The following MED6 variants were observed in gnomAD, a reference collection of about 807,000 sequenced individuals.
The protein encoded by MED6 is mediator complex subunit 6.
MED6 carries 33 observed loss-of-function variants against 37.5 expected under a neutral mutation model. The observed-to-expected ratio is 0.88, with a 90% CI of 0.67 to 1.18. The LOEUF (loss-of-function observed/expected upper bound fraction) is 1.18, where lower values mean the gene tolerates loss of function less well. MED6 is among the 50% of genes most tolerant of loss of function. MED6 has a pLI of 0.00. For synonymous variants in MED6, 94 were observed against 93.6 expected, an observed-to-expected ratio of 1.00 and a Z score of -0.02; for missense variants, 235 against 290.6, an observed-to-expected ratio of 0.81 and a Z score of 1.39.
chr14:70,599,323 T>C (rs1885136804), intron 1 of MED6, among the ~76,000 whole-genome samples: 1 of 152,168 alleles, frequency 6.6e-6, no homozygotes, highest in Non-Finnish European at 1.5e-5. Flanking sequence ...TATAGACCAT[T>C]TAGATAGTTC....
rs1196765147 is a variant in MED6, at chr14:70,584,192, C to A, written c.*621G>T. The A allele has an allele frequency of 1.3e-6, 1 of 751,548 alleles. No homozygotes were observed. The highest frequency in any genetic ancestry group is 1.4e-5 in the South Asian group (1 of 72,514). The allele number at this position is 751,548 out of a possible 1,614,324, so 46.6% of individuals were successfully genotyped here. A position where few individuals can be genotyped will look rare whatever the true frequency, so the allele number is the denominator to read the frequency against. ...CATCCTTTATGTCTTCAAAGTGCAT[C>A]TGAAAAATATCAGTTATGATGAAGA... On this transcript the variant is annotated 3_prime_UTR_variant, in exon 8 of 8. Coordinates refer to ENST00000256379, the MANE Select transcript of MED6 (RefSeq NM_005466.4).
Position 70,584,779 on chromosome 14 carries a change from G to A in MED6, c.*34C>T. On this transcript the variant is annotated 3_prime_UTR_variant, in exon 8 of 8. Coordinates refer to ENST00000256379, the MANE Select transcript of MED6 (RefSeq NM_005466.4). ...AGTACTGAGGTATGATAACTAGCAT[G>A]AGGAGTCTTCCAGGCTTCTCTTTTG... The A allele has an allele frequency of 6.2e-7, 1 of 1,604,022 alleles. No individual in the cohort carries two copies. The highest frequency in any genetic ancestry group is 1.1e-5 in the South Asian group (1 of 88,994).
At chr14:70,596,589 G>A (rs866946078) in intron 3 of MED6, 22 bp downstream of exon 3, 3 of 1,551,926 alleles carry the variant, frequency 1.9e-6, no homozygotes, top group Middle Eastern at 1.7e-4. Flanking sequence ...AGAAAACAAT[G>A]CCTAAAGTTT....
chr14:70,596,555 T>G, intron 3 of MED6, 56 bp downstream of exon 3: 1 of 1,379,794 alleles, frequency 7.2e-7, no homozygotes, highest in Non-Finnish European at 1.0e-6. Context: ...GGTCAGGAAG[T>G]AAATAAATTA....
Position 70,598,787 on chromosome 14 carries a change from T to G in MED6, c.23-1010A>C, listed in dbSNP as rs1029139566. ...TGGCAAGGAATTCAAAATTTTCAAA[T>G]AACATGTATGCCCAAGAGAACACAT... On this transcript the variant is annotated intron_variant, in intron 1 of 7. Coordinates refer to ENST00000256379, the MANE Select transcript of MED6 (RefSeq NM_005466.4). Among the ~76,000 whole-genome samples the G allele has an allele frequency of 2.0e-5, 3 of 152,280 alleles. No individual in the cohort carries two copies. In the South Asian group the frequency reaches 6.2e-4, roughly 32 times the overall value.
intron 3 of MED6, chr14:70,595,360 T>C (rs1224152135): frequency 4.8e-5 from 27 of 561,760 alleles, no homozygotes; most frequent in South Asian, 3.1e-4. Flanking sequence ...TCTCAGCAGA[T>C]TGAGGAGAAC....
chr14:70,591,264 ACC>A lies in MED6; in HGVS notation c.582_582+1del. On this transcript the variant is annotated splice_donor_variant and coding_sequence_variant, in exon 6 of 8. Transcript: ENST00000256379. LOFTEE classifies it high-confidence loss of function. ...AAGATTAACCACACATATTCTCATTACCTGCACAAATTTGGGTGGAAATTTTT... is the reference window on the plus strand; with the variant it reads ...AAGATTAACCACACATATTCTCATTATGCACAAATTTGGGTGGAAATTTTT... The A allele has an allele frequency of 6.2e-7, 1 of 1,605,170 alleles. No homozygotes were observed. The highest frequency in any genetic ancestry group is 8.5e-7 in the Non-Finnish European group (1 of 1,173,102).
Position 70,596,074 on chromosome 14 carries a change from T to C in MED6, c.274+537A>G, listed in dbSNP as rs1049446349. On this transcript the variant is annotated intron_variant, in intron 3 of 7. Transcript: ENST00000256379. ...TAGTGGAACTTGGCTTTTGAAACATTTCCTATATGATAGTTAGGCTGGTTG... is the reference window on the plus strand; with the variant it reads ...TAGTGGAACTTGGCTTTTGAAACATCTCCTATATGATAGTTAGGCTGGTTG... 2.1e-4 allele frequency: 50 copies of C among 234,298 alleles called. 2 individuals carry two copies. The highest frequency in any genetic ancestry group is 6.5e-4 in the Admixed American group (13 of 19,864). The allele number at this position is 234,298 out of a possible 1,614,324, so 14.5% of individuals were successfully genotyped here.
At chr14:70,597,079 A>G (rs1189411730) in intron 2 of MED6, among the ~76,000 whole-genome samples, 2 of 152,238 alleles carry the variant, frequency 1.3e-5, no homozygotes, top group African/African-American at 4.8e-5. Flanking sequence ...ACACAACTAT[A>G]TATATTACCA....
At chr14:70,596,544 A>T in intron 3 of MED6, 67 bp downstream of exon 3, 1 of 1,262,236 alleles carries the variant, frequency 7.9e-7, no homozygotes, top group Non-Finnish European at 1.1e-6. Context: ...AAAACAAGTT[A>T]GGTCAGGAAG....
intron 3 of MED6, 37 bp downstream of exon 3, chr14:70,596,574 T>C (rs972175073): frequency 6.6e-6 from 10 of 1,508,048 alleles, no homozygotes; most frequent in African/African-American, 1.4e-5. Flanking sequence ...TATGGTATTT[T>C]AAAAAGAAAA....
intron 1 of MED6, among the ~76,000 whole-genome samples, chr14:70,600,396 AC>A (rs965495082): frequency 2.7e-5 from 4 of 149,516 alleles, no homozygotes; most frequent in Non-Finnish European, 4.4e-5. Flanking sequence ...GCTTCTTCCA[AC>A]CCCTTCTCTC....
rs1375226425 is a variant in MED6, at chr14:70,591,200, T to C, written c.582+66A>G. On this transcript the variant is annotated intron_variant, in intron 6 of 7. Coordinates refer to ENST00000256379, the MANE Select transcript of MED6 (RefSeq NM_005466.4). ...AGGTCACATCTGAAACAGTTCTCAA[T>C]TAAAAATTAATATATATGCCATAAA... 6 of 1,223,888 alleles carry C rather than the reference T, an allele frequency of 4.9e-6. No individual in the cohort carries two copies. The East Asian group carries it at 1.2e-4, about 25-fold the overall frequency. 75.8% of individuals were successfully genotyped at this position (1,223,888 alleles called of 1,614,324 possible). A position where few individuals can be genotyped will look rare whatever the true frequency, so the allele number is the denominator to read the frequency against.
At chr14:70,588,140 G>A (rs1884763931) in intron 6 of MED6, among the ~76,000 whole-genome samples, 1 of 152,166 alleles carries the variant, frequency 6.6e-6, no homozygotes, top group Non-Finnish European at 1.5e-5. Context: ...TTCTTCTCTA[G>A]ATCTGAGGCT....
intron 7 of MED6, 123 bp from the exon 8 acceptor site, chr14:70,585,066 TA>T (rs1308305588): frequency 8.6e-7 from 1 of 1,158,240 alleles, no homozygotes; most frequent in African/African-American, 1.6e-5. Flanking sequence ...GTTCTAGATC[TA>T]GCTGTTTCCC....
intron 1 of MED6, among the ~76,000 whole-genome samples, chr14:70,599,432 C>T (rs898310243): frequency 7.9e-5 from 12 of 152,276 alleles, no homozygotes; most frequent in African/African-American, 2.6e-4. Context: ...CTACCCTTGC[C>T]CTCCTACACT....
At chr14:70,591,109 A>G (rs1400358501) in intron 6 of MED6, among the ~76,000 whole-genome samples, 157 bp downstream of exon 6, 1 of 152,228 alleles carries the variant, frequency 6.6e-6, no homozygotes, top group Non-Finnish European at 1.5e-5. Flanking sequence ...TCTTCCATTA[A>G]GTCTTTCGAA....
chr14:70,587,477 T>C (rs779676279), intron 6 of MED6, among the ~76,000 whole-genome samples: 2 of 152,192 alleles, frequency 1.3e-5, no homozygotes, highest in Non-Finnish European at 2.9e-5. Flanking sequence ...ATTGTTTTTC[T>C]TTAAAATAGG....
At chr14:70,600,023 G>C in intron 1 of MED6, among the ~76,000 whole-genome samples, 1 of 152,048 alleles carries the variant, frequency 6.6e-6, no homozygotes. Context: ...CAGCAGTTAA[G>C]GGGTGACATC....
Sources: gnomAD v4.1 joint callset for allele counts (sites outside exome capture counted in the v4.1 genomes callset) on GRCh38, gnomAD v4.1.1 for gene constraint, MANE v1.5 for transcripts, NCBI Gene and HGNC (gene_info 2026-07-23, HGNC 2026-07-21) for gene names.